SMAD9: variants seen among roughly 807,000 people sequenced by gnomAD.
The protein encoded by SMAD9 is SMAD family member 9, also known as MAD homolog 9.
A neutral mutation model predicts 46.1 loss-of-function variants in SMAD9; 36 were observed. That is an observed-to-expected ratio of 0.78 (90% CI 0.60 to 1.03). The LOEUF is 1.03. Among genes scored for constraint, SMAD9 ranks in the 50% least tolerant of loss-of-function variants. The pLI is 0.00. For synonymous variants in SMAD9, 245 were observed against 237.1 expected, an observed-to-expected ratio of 1.03 and a Z score of -0.31; for missense variants, 572 against 599.8, an observed-to-expected ratio of 0.95 and a Z score of 0.48.
chr13:36,871,513 G>A (rs144923092), intron 3 of SMAD9, among the ~76,000 whole-genome samples: 100 of 150,604 alleles, frequency 6.6e-4, no homozygotes, highest in East Asian at 1.9e-3. Context: ...GCAAGACTCC[G>A]TCTCAAAATA....
chr13:36,853,655 C>T lies in SMAD9; in HGVS notation c.1024G>A (p.Gly342Arg), dbSNP rs138879406. Residue 342 changes from glycine (G) to arginine (R), a missense_variant, in exon 6 of 7, where the codon GGG becomes AGG. Coordinates refer to ENST00000379826, the MANE Select transcript of SMAD9 (RefSeq NM_001127217.3). ...IGKGVHLYYV[G>R]GEVYAECVSD... ...ACGCACTCGGCATACACCTCTCCCC[C>T]GACGTAGTACAAGTGCACACCTGCA... is the stretch of plus-strand genomic sequence containing the variant. The T allele has an allele frequency of 3.1e-5, 50 of 1,613,984 alleles. No homozygotes were observed. In the African/African-American group the frequency reaches 4.5e-4, roughly 15 times the overall value.
In SMAD9 at chr13:36,851,672, T is replaced by A. The variant is rs981298945; in HGVS notation, c.1260+1747A>T. ...GTAAAAATCAGAGCTGAAAGAAACC[T>A]TAAAGAGATCTGATCCATCAGCCCA... On this transcript the variant is annotated intron_variant, in intron 6 of 6. Coordinates refer to ENST00000379826, the MANE Select transcript of SMAD9 (RefSeq NM_001127217.3). 1.9e-5 allele frequency: 17 copies of A among 899,762 alleles called. No homozygotes were observed. In the African/African-American group the frequency reaches 2.9e-4, roughly 15 times the overall value. 55.7% of individuals were successfully genotyped at this position (899,762 alleles called of 1,614,324 possible).
chr13:36,867,003 C>T (rs1161082134), intron 4 of SMAD9, among the ~76,000 whole-genome samples: 2 of 152,154 alleles, frequency 1.3e-5, no homozygotes, highest in African/African-American at 2.4e-5. Flanking sequence ...TTCCCAACTC[C>T]ATACTTAACA....
At chr13:36,851,073 A>G (rs892514532) in intron 6 of SMAD9, among the ~76,000 whole-genome samples, 7 of 152,138 alleles carry the variant, frequency 4.6e-5, no homozygotes, top group Non-Finnish European at 1.0e-4. Flanking sequence ...TATCCTCCAC[A>G]CAGCAGGCAG....
At position 36,851,738 on chromosome 13, in the gene SMAD9, T is replaced by A. The variant is rs538215241; in HGVS notation, c.1260+1681A>T. 1.2e-5 allele frequency: 12 copies of A among 969,260 alleles called. No homozygotes were observed. In the African/African-American group the frequency reaches 1.8e-4, roughly 14 times the overall value. 60.0% of individuals were successfully genotyped at this position (969,260 alleles called of 1,614,324 possible). On this transcript the variant is annotated intron_variant, in intron 6 of 6. Transcript: ENST00000379826. The stretch of plus-strand genomic sequence containing the variant: ...GCTCATCTCAAATGTTAAAAAAAAA[T>A]GATCTATAGTTATATTTACTATGTA...
chr13:36,919,415 C>T (rs1593639690), intron 1 of SMAD9, among the ~76,000 whole-genome samples: 2 of 152,264 alleles, frequency 1.3e-5, no homozygotes, highest in East Asian at 3.9e-4. Flanking sequence ...GGCTCCGACA[C>T]AGTCCAAGCG....
At chr13:36,879,102 C>T (rs2058374811) in intron 2 of SMAD9, among the ~76,000 whole-genome samples, 176 bp downstream of exon 2, 1 of 152,098 alleles carries the variant, frequency 6.6e-6, no homozygotes, top group Admixed American at 6.5e-5. Context: ...GGACAGCTGC[C>T]TCATTCCGGG....
At chr13:36,896,966 T>C (rs988815963) in intron 1 of SMAD9, among the ~76,000 whole-genome samples, 1 of 152,010 alleles carries the variant, frequency 6.6e-6, no homozygotes, top group Non-Finnish European at 1.5e-5. Context: ...TACTTTCTTA[T>C]GCCATAATTT....
chr13:36,847,139 T>C lies in SMAD9; in HGVS notation c.*1537A>G, dbSNP rs947531903. On this transcript the variant is annotated 3_prime_UTR_variant, in exon 7 of 7. Transcript: ENST00000379826. ...TAGTAACTGTAAGAGGTGACAGTAG[T>C]AGCTCAATCATATATCTTTCTCACA... 3.3e-5 allele frequency: 5 copies of C among 152,224 alleles called. No individual in the cohort carries two copies. Among genetic ancestry groups the C allele is most frequent in the Non-Finnish European group, 4.4e-5 (3 of 68,042 alleles). 9.4% of individuals were successfully genotyped at this position (152,224 alleles called of 1,614,324 possible).
intron 1 of SMAD9, among the ~76,000 whole-genome samples, chr13:36,897,740 T>C (rs936943600): frequency 1.3e-5 from 2 of 152,184 alleles, no homozygotes; most frequent in Non-Finnish European, 2.9e-5. Context: ...ATAATGCATT[T>C]GCATTTTCAG....
At chr13:36,874,854 C>CAAAAAAAA (rs529721275) in intron 2 of SMAD9, among the ~76,000 whole-genome samples, 3 of 66,080 alleles carry the variant, frequency 4.5e-5, no homozygotes, top group Non-Finnish European at 8.0e-5. Flanking sequence ...GACTCCGTCC[C>CAAAAAAAA]AAAAAAAAAA....
In SMAD9 at chr13:36,853,536, G is replaced by C. The variant is rs968847991; in HGVS notation, c.1143C>G (p.Ser381Arg). 3.1e-6 allele frequency: 5 copies of C among 1,614,064 alleles called. No homozygotes were observed. Among genetic ancestry groups the C allele is most frequent in the Non-Finnish European group, 3.4e-6 (4 of 1,180,050 alleles). Residue 381 changes from serine to arginine, a missense_variant, in exon 6 of 7, where the codon AGC (serine) becomes AGG (arginine). By Grantham distance (110) the Ser-to-Arg change is moderately radical. Coordinates refer to ENST00000379826, the MANE Select transcript of SMAD9 (RefSeq NM_001127217.3). ...ATVCKIPSGC[S>R]LKVFNNQLFA... ...AGAGCTGGTTGTTGAAGACCTTGAG[G>C]CTGCAGCCGCTGGGGATCTTGCAGA... is the stretch of plus-strand genomic sequence containing the variant.
At chr13:36,918,579 C>T (rs1566046283) in intron 1 of SMAD9, among the ~76,000 whole-genome samples, 1 of 152,186 alleles carries the variant, frequency 6.6e-6, no homozygotes, top group African/African-American at 2.4e-5. Context: ...ATTTATAAAG[C>T]GTCACATCCT....
chr13:36,861,560 C>A (rs893425870), intron 5 of SMAD9, among the ~76,000 whole-genome samples: 1 of 150,924 alleles, frequency 6.6e-6, no homozygotes, highest in East Asian at 2.0e-4. Context: ...AGGTGACCTG[C>A]CTGCCTTGGC....
chr13:36,884,992 T>A (rs1028662923), intron 1 of SMAD9, among the ~76,000 whole-genome samples: 7 of 152,222 alleles, frequency 4.6e-5, no homozygotes, highest in African/African-American at 1.7e-4. Flanking sequence ...AACATCATGA[T>A]TTCCTTATTT....
At chr13:36,849,087 G>A (rs146042208) in intron 6 of SMAD9, among the ~76,000 whole-genome samples, 33 of 152,282 alleles carry the variant, frequency 2.2e-4, no homozygotes, top group African/African-American at 7.0e-4. Flanking sequence ...CCAGTCACAC[G>A]GGAAGCACTG....
intron 1 of SMAD9, among the ~76,000 whole-genome samples, chr13:36,885,104 T>G (rs1185572267): frequency 6.6e-6 from 1 of 152,228 alleles, no homozygotes; most frequent in African/African-American, 2.4e-5. Flanking sequence ...ACTAACCAAT[T>G]TAGAAAGTGA....
chr13:36,902,778 T>C (rs1290967499), intron 1 of SMAD9, among the ~76,000 whole-genome samples: 1 of 152,090 alleles, frequency 6.6e-6, no homozygotes, highest in Admixed American at 6.6e-5. Context: ...TTCAATGTTG[T>C]GTTGTATTTT....
chr13:36,886,831 C>T (rs530285062), intron 1 of SMAD9, among the ~76,000 whole-genome samples: 1 of 152,192 alleles, frequency 6.6e-6, no homozygotes, highest in South Asian at 2.1e-4. Flanking sequence ...GTGAGACCTC[C>T]AGAGAAAAAT....
Sources: allele counts gnomAD v4.1 joint callset (sites outside exome capture counted in the v4.1 genomes callset), GRCh38; gene constraint gnomAD v4.1.1; transcripts MANE v1.5; gene names NCBI Gene and HGNC (gene_info 2026-07-23, HGNC 2026-07-21).